The following TIAM2 variants were observed in gnomAD, a reference collection of about 807,000 sequenced individuals.
The protein encoded by TIAM2 is rho guanine nucleotide exchange factor TIAM2.
A neutral mutation model predicts 152.9 loss-of-function variants in TIAM2; 80 were observed. The observed-to-expected ratio is 0.52, with a 90% CI of 0.44 to 0.63. The LOEUF (loss-of-function observed/expected upper bound fraction) is 0.63. TIAM2 is among the 30% of genes least tolerant of loss of function. TIAM2 has a pLI of 0.00. For synonymous variants in TIAM2, 804 were observed against 838.0 expected (o/e 0.96, Z 0.70); for missense variants, 1,965 against 2,120.1 (o/e 0.93, Z 1.44).
rs1170533956 is a variant in TIAM2 at position 155,180,901 on chromosome 6, G to T, written c.2708-1325G>T. ...TGGGATTACAGGCATGAGCCACTGT[G>T]CCCGGACCCCATGTTATGTTGGTTT... On this transcript the variant is annotated intron_variant, in intron 12 of 26. Coordinates refer to ENST00000682666, the MANE Select transcript of TIAM2 (RefSeq NM_012454.4). 3.3e-5 allele frequency among the ~76,000 whole-genome samples: 5 copies of T among 152,168 alleles called. No individual in the cohort carries two copies. The East Asian group carries it at 9.6e-4, about 29-fold the overall frequency.
chr6:155,068,486 A>G (rs1052950958), intron 1 of TIAM2, among the ~76,000 whole-genome samples: 1 of 151,802 alleles, frequency 6.6e-6, no homozygotes, highest in African/African-American at 2.4e-5. Context: ...CCCAGGCTAG[A>G]GTGCAATGGC....
rs886733341 is a variant in TIAM2 at position 155,034,761 on chromosome 6, T to C, written c.-209+39269T>C. The stretch of plus-strand genomic sequence containing the variant: ...TAGTTAACCTCTTTTTCCTGCCTTA[T>C]CACATTGGCTGGGACCTCCAACACA... On this transcript the variant is annotated intron_variant, in intron 1 of 26. Coordinates refer to ENST00000682666, the MANE Select transcript of TIAM2 (RefSeq NM_012454.4). Among the ~76,000 whole-genome samples, 6 of 152,284 alleles carry C rather than the reference T, an allele frequency of 3.9e-5. No individual in the cohort carries two copies. In the South Asian group the frequency reaches 1.2e-3, roughly 32 times the overall value.
chr6:155,158,201 G>T (rs1200254988), intron 7 of TIAM2, among the ~76,000 whole-genome samples: 1 of 152,010 alleles, frequency 6.6e-6, no homozygotes, highest in Non-Finnish European at 1.5e-5. Context: ...AGGACTGCTG[G>T]GTGTGGCAGG....
At chr6:155,105,358 C>T (rs1402665508) in intron 2 of TIAM2, among the ~76,000 whole-genome samples, 3 of 151,042 alleles carry the variant, frequency 2.0e-5, no homozygotes, top group Non-Finnish European at 4.4e-5. Context: ...ACTGTGTTGG[C>T]CAGGCTGATC....
At chr6:155,160,053 A>G (rs1338939631) in intron 7 of TIAM2, among the ~76,000 whole-genome samples, 1 of 152,030 alleles carries the variant, frequency 6.6e-6, no homozygotes. Context: ...TTATTATAAG[A>G]AATAGGCTCA....
intron 9 of TIAM2, among the ~76,000 whole-genome samples, chr6:155,172,689 T>A (rs4031533): frequency 0.013 from 427 of 31,638 alleles, 4 homozygotes; most frequent in African/African-American, 0.09. Flanking sequence ...TATATATATT[T>A]TTTTTTTTTT....
At chr6:155,170,777 CTA>C (rs1178875149) in intron 9 of TIAM2, among the ~76,000 whole-genome samples, 9 of 152,142 alleles carry the variant, frequency 5.9e-5, no homozygotes, top group African/African-American at 2.2e-4. Flanking sequence ...TGAGAAGAAA[CTA>C]TGATTTCTGC....
chr6:155,166,130 A>G (rs924893995), intron 9 of TIAM2, among the ~76,000 whole-genome samples: 5 of 151,720 alleles, frequency 3.3e-5, no homozygotes, highest in Admixed American at 6.7e-5. Flanking sequence ...TTGTCATCCC[A>G]TTTTAGAGAC....
At chr6:155,219,604 T>C (rs1781971362) in intron 15 of TIAM2, among the ~76,000 whole-genome samples, 1 of 152,204 alleles carries the variant, frequency 6.6e-6, no homozygotes, top group South Asian at 2.1e-4. Context: ...TTGATCTCTT[T>C]GTAGTGAGTT....
intron 1 of TIAM2, among the ~76,000 whole-genome samples, chr6:155,059,284 GTGTGTGTGTC>G (rs1318412886): frequency 1.8e-4 from 12 of 66,064 alleles, no homozygotes; most frequent in Non-Finnish European, 4.2e-4. Context: ...GTCCCTTTCT[GTGTGTGTGTC>G]TGTGTGTGTG....
intron 9 of TIAM2, among the ~76,000 whole-genome samples, chr6:155,173,083 A>G (rs909265307): frequency 6.6e-6 from 1 of 151,852 alleles, no homozygotes; most frequent in Non-Finnish European, 1.5e-5. Flanking sequence ...TTCTTTTTCT[A>G]GTTTTAATAA....
At chr6:155,050,106 A>G (rs1234143759) in intron 1 of TIAM2, among the ~76,000 whole-genome samples, 5 of 152,170 alleles carry the variant, frequency 3.3e-5, no homozygotes, top group African/African-American at 1.2e-4. Flanking sequence ...TCTCAACAAT[A>G]TTTATTTTTG....
At chr6:155,036,432 G>T (rs951925418) in intron 1 of TIAM2, among the ~76,000 whole-genome samples, 13 of 150,904 alleles carry the variant, frequency 8.6e-5, no homozygotes, top group African/African-American at 2.7e-4. Flanking sequence ...TACTTGGGAG[G>T]CTGAGGCAGG....
intron 2 of TIAM2, among the ~76,000 whole-genome samples, chr6:155,098,699 A>G (rs777474948): frequency 2.0e-5 from 3 of 152,192 alleles, no homozygotes; most frequent in Non-Finnish European, 4.4e-5. Context: ...CTCTCGCCTA[A>G]TTGCCCTGGC....
At chr6:155,250,573 A>G (rs1302100606) in intron 21 of TIAM2, 3 of 1,536,048 alleles carry the variant, frequency 2.0e-6, no homozygotes, top group Admixed American at 2.0e-5. Flanking sequence ...TGGATGTACT[A>G]GATCCCAGGG....
At chr6:155,047,085 G>A (rs1777191260) in intron 1 of TIAM2, among the ~76,000 whole-genome samples, 2 of 152,240 alleles carry the variant, frequency 1.3e-5, no homozygotes, top group South Asian at 2.1e-4. Flanking sequence ...TTTTAATCCC[G>A]CCTATGTAGT....
At chr6:155,183,686 C>T (rs1379027301) in intron 14 of TIAM2, among the ~76,000 whole-genome samples, 186 bp downstream of exon 14, 5 of 152,114 alleles carry the variant, frequency 3.3e-5, no homozygotes, top group African/African-American at 1.2e-4. Flanking sequence ...GTAATTATAG[C>T]GCTTTCATTA....
In TIAM2 at chr6:155,029,178, CTATGTGTTATATACACTGTATGTACTA is replaced by C. The variant is rs1562294874; in HGVS notation, c.-209+33688_-209+33714del. Among the ~76,000 whole-genome samples, 79 of 89,346 alleles carry C rather than the reference CTATGTGTTATATACACTGTATGTACTA, an allele frequency of 8.8e-4. 18 individuals carry two copies. The highest frequency in any genetic ancestry group is 3.0e-3 in the African/African-American group (76 of 25,230). The allele number at this position is 89,346 out of a possible 152,430, so 58.6% of individuals were successfully genotyped here. A position where few individuals can be genotyped will look rare whatever the true frequency, so the allele number is the denominator to read the frequency against. ...CTATGTGTTATATACACTATATGTA[CTATGTGTTATATACACTGTATGTACTA>C]TGTGTTATATACACTATATGTACTA... On this transcript the variant is annotated intron_variant, in intron 1 of 26. Transcript: ENST00000682666.
chr6:155,070,008 G>A (rs1777801456), intron 1 of TIAM2, among the ~76,000 whole-genome samples: 1 of 148,932 alleles, frequency 6.7e-6, no homozygotes, highest in African/African-American at 2.5e-5. Context: ...TGGCAGTCAA[G>A]CAATTCCTGT....
Sources: allele counts gnomAD v4.1 joint callset (sites outside exome capture counted in the v4.1 genomes callset), GRCh38; gene constraint gnomAD v4.1.1; transcripts MANE v1.5; gene names NCBI Gene and HGNC (gene_info 2026-07-23, HGNC 2026-07-21).